The following TOM1L1 variants were observed in gnomAD, a reference collection of about 807,000 sequenced individuals.
The protein encoded by TOM1L1 is target of myb1 like 1 membrane trafficking protein.
A neutral mutation model predicts 63.4 loss-of-function variants in TOM1L1; 64 were observed. The observed-to-expected ratio is 1.01, with a 90% CI of 0.83 to 1.24. The LOEUF is 1.24. Ranked by LOEUF, TOM1L1 falls within the 50% of genes most tolerant of loss-of-function variation. The probability of loss-of-function intolerance (pLI) is 0.00; values close to 1 mark genes in which losing one functional copy is unlikely to be tolerated. For synonymous variants in TOM1L1, 166 were observed against 194.4 expected, an observed-to-expected ratio of 0.85 and a Z score of 1.22; for missense variants, 536 against 567.0, an observed-to-expected ratio of 0.95 and a Z score of 0.55.
chr17:54,907,842 T>G (rs1486848305), intron 3 of TOM1L1, among the ~76,000 whole-genome samples: 2 of 152,202 alleles, frequency 1.3e-5, no homozygotes, highest in East Asian at 3.8e-4. Context: ...TTTACAGGTG[T>G]TCACCATTCA....
intron 8 of TOM1L1, among the ~76,000 whole-genome samples, chr17:54,933,455 C>T (rs1359464530): frequency 6.6e-6 from 1 of 152,242 alleles, no homozygotes; most frequent in African/African-American, 2.4e-5. Context: ...GTTAAGGATG[C>T]ACCTGTGGCA....
At chr17:54,913,685 A>AAT in intron 4 of TOM1L1, 63 bp from the exon 5 acceptor site, 6 of 1,393,468 alleles carry the variant, frequency 4.3e-6, no homozygotes, top group Non-Finnish European at 5.7e-6. Context: ...AAAAAAAAAA[A>AAT]GAATTGTGTT....
intron 1 of TOM1L1, among the ~76,000 whole-genome samples, chr17:54,902,415 G>T (rs1449614444): frequency 6.6e-6 from 1 of 151,996 alleles, no homozygotes; most frequent in East Asian, 1.9e-4. Flanking sequence ...TCAGCCTCCC[G>T]AGTAGCTGGG....
chr17:54,914,520 TG>T (rs2048554351), intron 5 of TOM1L1, 118 bp from the exon 6 acceptor site: 6 of 726,280 alleles, frequency 8.3e-6, no homozygotes, highest in Admixed American at 2.1e-5. Context: ...TGATTTACTC[TG>T]GGCAGATACC....
intron 8 of TOM1L1, 55 bp downstream of exon 8, chr17:54,930,261 A>G (rs571216720): frequency 6.2e-7 from 1 of 1,606,044 alleles, no homozygotes; most frequent in Non-Finnish European, 8.5e-7. Context: ...TTCACCACCA[A>G]TTACTCAGCA....
At chr17:54,951,339 A>G (rs1425918077) in intron 14 of TOM1L1, among the ~76,000 whole-genome samples, 1 of 152,190 alleles carries the variant, frequency 6.6e-6, no homozygotes, top group Non-Finnish European at 1.5e-5. Context: ...AGCTATCCAG[A>G]AACTGACCTG....
chr17:54,906,549 A>G (rs1232853609), intron 3 of TOM1L1, among the ~76,000 whole-genome samples: 1 of 152,150 alleles, frequency 6.6e-6, no homozygotes, highest in Non-Finnish European at 1.5e-5. Context: ...GAAATTTTGA[A>G]AAATACCTCC....
At chr17:54,948,131 C>T (rs2049150420) in intron 12 of TOM1L1, among the ~76,000 whole-genome samples, 1 of 152,144 alleles carries the variant, frequency 6.6e-6, no homozygotes, top group Non-Finnish European at 1.5e-5. Context: ...AGCCACTTCT[C>T]ACCACCTCCA....
chr17:54,909,666 A>G (rs1227897822), intron 3 of TOM1L1, among the ~76,000 whole-genome samples: 1 of 152,152 alleles, frequency 6.6e-6, no homozygotes, highest in East Asian at 1.9e-4. Context: ...AGAGGGAGAT[A>G]TTATGTCCAT....
intron 7 of TOM1L1, chr17:54,916,470 A>G (rs1445455284): frequency 6.6e-6 from 1 of 152,218 alleles, no homozygotes; most frequent in African/African-American, 2.4e-5. Context: ...GCCTTCTGCT[A>G]TGTCTGTGTA....
intron 11 of TOM1L1, among the ~76,000 whole-genome samples, chr17:54,942,768 C>T (rs929899276): frequency 1.1e-4 from 17 of 152,042 alleles, no homozygotes; most frequent in Non-Finnish European, 1.9e-4. Context: ...ATAACTACCC[C>T]CAGTCAGGAT....
chr17:54,943,968 ACT>A (rs1177147726), intron 11 of TOM1L1, among the ~76,000 whole-genome samples: 14 of 150,522 alleles, frequency 9.3e-5, no homozygotes, highest in South Asian at 8.4e-4. Context: ...ACAGAAAGAG[ACT>A]CTGTCTCAAA....
At chr17:54,951,782 G>T (rs960273794) in intron 14 of TOM1L1, 3 of 152,206 alleles carry the variant, frequency 2.0e-5, no homozygotes, top group Admixed American at 2.0e-4. Flanking sequence ...GGGTTGAGTA[G>T]TAGCTATCTC....
At chr17:54,939,759 C>T (rs570579276) in intron 11 of TOM1L1, among the ~76,000 whole-genome samples, 41 of 152,210 alleles carry the variant, frequency 2.7e-4, no homozygotes, top group Non-Finnish European at 5.1e-4. Context: ...GATGGGGTCT[C>T]GCTTTGTTGC....
intron 14 of TOM1L1, among the ~76,000 whole-genome samples, chr17:54,959,771 C>G (rs956930579): frequency 6.6e-6 from 1 of 151,970 alleles, no homozygotes; most frequent in African/African-American, 2.4e-5. Context: ...GTGTGTACCA[C>G]CACACATGAT....
intron 3 of TOM1L1, among the ~76,000 whole-genome samples, chr17:54,910,412 C>T (rs534096892): frequency 9.9e-5 from 15 of 152,224 alleles, no homozygotes; most frequent in Middle Eastern, 6.8e-3. Flanking sequence ...GTCGAGATTG[C>T]GCCACTGCAC....
intron 14 of TOM1L1, among the ~76,000 whole-genome samples, chr17:54,960,179 A>G (rs561583184): frequency 2.0e-5 from 3 of 152,236 alleles, no homozygotes; most frequent in East Asian, 1.9e-4. Context: ...CCTGGCCAAC[A>G]GGGTGAAACC....
At chr17:54,949,930 T>G in intron 13 of TOM1L1, 115 bp from the exon 14 acceptor site, 1 of 816,624 alleles carries the variant, frequency 1.2e-6, no homozygotes, top group Non-Finnish European at 2.0e-6. Context: ...ACCAGTCTGT[T>G]TTGGTTGTGT....
At chr17:54,950,485 T>C (rs2049203020) in intron 14 of TOM1L1, among the ~76,000 whole-genome samples, 1 of 152,242 alleles carries the variant, frequency 6.6e-6, no homozygotes, top group Admixed American at 6.5e-5. Context: ...ATATTTTAGC[T>C]GCTCTTTATG....
Sources: allele counts gnomAD v4.1 joint callset (sites outside exome capture counted in the v4.1 genomes callset), GRCh38; gene constraint gnomAD v4.1.1; transcripts MANE v1.5; gene names NCBI Gene and HGNC (gene_info 2026-07-23, HGNC 2026-07-21).